SGCZ: variants seen among roughly 807,000 people sequenced by gnomAD.
The protein encoded by SGCZ is zeta-sarcoglycan.
Under a neutral mutation model 41.3 loss-of-function variants are expected in SGCZ, and 40 were observed. That is an observed-to-expected ratio of 0.97 (90% CI 0.75 to 1.26). The LOEUF is 1.26. Among genes scored for constraint, SGCZ ranks in the 50% most tolerant of loss-of-function variants. SGCZ has a pLI of 0.00. For synonymous variants in SGCZ, 206 were observed against 137.5 expected (o/e 1.50, Z -3.49); for missense variants, 552 against 369.8 (o/e 1.49, Z -4.04).
At chr8:14,195,811 A>G (rs1253034814) in intron 4 of SGCZ, among the ~76,000 whole-genome samples, 1 of 152,168 alleles carries the variant, frequency 6.6e-6, no homozygotes, top group Non-Finnish European at 1.5e-5. Flanking sequence ...CACATAATAA[A>G]AATATCCATC....
intron 1 of SGCZ, among the ~76,000 whole-genome samples, chr8:14,736,753 C>T (rs1268085591): frequency 6.6e-6 from 1 of 152,122 alleles, no homozygotes; most frequent in Non-Finnish European, 1.5e-5. Flanking sequence ...TGAGTTACTT[C>T]ACCTAGAATC....
chr8:14,694,420 T>G (rs1808894097), intron 1 of SGCZ, among the ~76,000 whole-genome samples: 1 of 152,360 alleles, frequency 6.6e-6, no homozygotes, highest in African/African-American at 2.4e-5. Context: ...ATTAATATTC[T>G]AACGTTGACT....
chr8:14,385,363 C>G (rs1804537296), intron 2 of SGCZ, among the ~76,000 whole-genome samples: 1 of 152,130 alleles, frequency 6.6e-6, no homozygotes, highest in Non-Finnish European at 1.5e-5. Flanking sequence ...TAAAATAAAA[C>G]ACTCTAGGAT....
At chr8:14,349,331 G>A (rs1264613290) in intron 2 of SGCZ, among the ~76,000 whole-genome samples, 1 of 152,078 alleles carries the variant, frequency 6.6e-6, no homozygotes, top group Non-Finnish European at 1.5e-5. Flanking sequence ...TTAACTCAGT[G>A]AAGAAGACAT....
At chr8:14,364,768 C>G (rs1232529447) in intron 2 of SGCZ, among the ~76,000 whole-genome samples, 1 of 152,006 alleles carries the variant, frequency 6.6e-6, no homozygotes, top group Non-Finnish European at 1.5e-5. Context: ...ATCATTTGCT[C>G]ATTTTGATAT....
At position 14,102,458 on chromosome 8, in the gene SGCZ, C is replaced by A. The variant is rs772544113; in HGVS notation, c.662G>T (p.Arg221Leu). 10 of 1,499,816 alleles carry A rather than the reference C, an allele frequency of 6.7e-6. No homozygotes were observed. Among genetic ancestry groups the A allele is most frequent in the African/African-American group, 5.6e-5 (4 of 71,758 alleles). The allele number at this position is 1,499,816 out of a possible 1,614,324, so 92.9% of individuals were successfully genotyped here. ...TGCAGCAGCACTCACCTGGACCCCA[C>A]GGGGAGCTTCCATGATCAAGGATCT... ...PTRSLIMEAP[R>L]GVQVSAAAGD... Residue 221 changes from arginine (R) to leucine (L), a missense_variant, in exon 7 of 8, where the codon CGT (arginine) becomes CTT (leucine). Arg to Leu is a moderately radical substitution (Grantham distance 102). Coordinates refer to ENST00000382080, the MANE Select transcript of SGCZ (RefSeq NM_139167.4).
intron 1 of SGCZ, among the ~76,000 whole-genome samples, chr8:14,882,293 C>G (rs1242651561): frequency 6.6e-6 from 1 of 152,104 alleles, no homozygotes; most frequent in African/African-American, 2.4e-5. Flanking sequence ...GGAAGCATAT[C>G]ATGGTGTCCA....
At chr8:14,704,591 G>C (rs970220591) in intron 1 of SGCZ, among the ~76,000 whole-genome samples, 1 of 151,948 alleles carries the variant, frequency 6.6e-6, no homozygotes, top group Admixed American at 6.6e-5. Context: ...TGTGGTAGCT[G>C]TGACTGTGGG....
chr8:15,050,727 G>A lies in SGCZ; in HGVS notation c.39+186858C>T, dbSNP rs1308454467. On this transcript the variant is annotated intron_variant, in intron 1 of 7. Transcript: ENST00000382080. ...TGATAGTGAATTGAAGCTGATGTGT[G>A]GAGAAGGGGAATTGGGGGAGAAAGC... 5.3e-5 allele frequency among the ~76,000 whole-genome samples: 8 copies of A among 152,246 alleles called. No homozygotes were observed. In the South Asian group the frequency reaches 1.2e-3, roughly 24 times the overall value.
intron 2 of SGCZ, among the ~76,000 whole-genome samples, chr8:14,356,768 A>G (rs1359733596): frequency 6.6e-6 from 1 of 152,086 alleles, no homozygotes; most frequent in East Asian, 1.9e-4. Flanking sequence ...ATTCAAGAAA[A>G]TACGATTGCA....
chr8:14,426,579 A>G (rs890870134), intron 2 of SGCZ, among the ~76,000 whole-genome samples: 1 of 152,112 alleles, frequency 6.6e-6, no homozygotes, highest in Admixed American at 6.6e-5. Context: ...CTAAGGGAGA[A>G]GTTTTGTTTG....
At chr8:15,137,518 TC>T (rs1808157533) in intron 1 of SGCZ, among the ~76,000 whole-genome samples, 1 of 152,076 alleles carries the variant, frequency 6.6e-6, no homozygotes, top group African/African-American at 2.4e-5. Flanking sequence ...AAAAATGGTT[TC>T]CTGGGCTGGG....
chr8:14,271,860 C>T (rs1162647246), intron 3 of SGCZ, among the ~76,000 whole-genome samples: 1 of 152,180 alleles, frequency 6.6e-6, no homozygotes, highest in Non-Finnish European at 1.5e-5. Context: ...CTCAGCTTTA[C>T]ATCTCTCTTT....
At chr8:14,836,125 A>G (rs1004546339) in intron 1 of SGCZ, among the ~76,000 whole-genome samples, 1 of 151,366 alleles carries the variant, frequency 6.6e-6, no homozygotes, top group African/African-American at 2.4e-5. Flanking sequence ...TGCCTCCCCC[A>G]CACCTCCCCT....
chr8:14,459,698 G>T (rs1800847127), intron 2 of SGCZ, among the ~76,000 whole-genome samples: 1 of 152,068 alleles, frequency 6.6e-6, no homozygotes, highest in Admixed American at 6.6e-5. Flanking sequence ...AACAACACTA[G>T]TAATAAAACA....
chr8:14,110,663 T>C (rs1198260210), intron 5 of SGCZ, among the ~76,000 whole-genome samples: 1 of 151,892 alleles, frequency 6.6e-6, no homozygotes. Flanking sequence ...GAGCCAAAGG[T>C]ACAAAATTAA....
intron 4 of SGCZ, among the ~76,000 whole-genome samples, chr8:14,190,013 TC>T (rs71541651): frequency 0.27 from 24,665 of 91,118 alleles, 4,078 homozygotes; most frequent in Non-Finnish European, 0.37. Flanking sequence ...TTTCTTTCTT[TC>T]TTTTTTTTTT....
intron 3 of SGCZ, among the ~76,000 whole-genome samples, chr8:14,259,662 T>C (rs1341615654): frequency 7.3e-6 from 1 of 137,882 alleles, no homozygotes; most frequent in Non-Finnish European, 1.7e-5. Context: ...TCTGTTCCAT[T>C]GATCTATATT....
chr8:14,942,741 C>T (rs927302733), intron 1 of SGCZ, among the ~76,000 whole-genome samples: 4 of 152,084 alleles, frequency 2.6e-5, no homozygotes, highest in Non-Finnish European at 5.9e-5. Flanking sequence ...CATGTTATAG[C>T]CCAGTGTTGC....
Sources: allele counts gnomAD v4.1 joint callset (sites outside exome capture counted in the v4.1 genomes callset), GRCh38; gene constraint gnomAD v4.1.1; transcripts MANE v1.5; gene names NCBI Gene and HGNC (gene_info 2026-07-23, HGNC 2026-07-21).